The following CFDP1 variants were observed in gnomAD, a reference collection of about 807,000 sequenced individuals.
CFDP1 encodes chromatin remodeling protein CFDP1, also known as heterochromatin-stabilizing protein CFDP1.
Under a neutral mutation model 40.1 loss-of-function variants are expected in CFDP1, and 31 were observed. The observed-to-expected ratio is 0.77, with a 90% confidence interval of 0.58 to 1.04. The LOEUF is 1.04. Ranked by LOEUF, CFDP1 falls within the 50% of genes least tolerant of loss-of-function variation. The pLI, the probability that CFDP1 is intolerant of heterozygous loss-of-function variation, is 0.00. For synonymous variants in CFDP1, 167 were observed against 120.0 expected (o/e 1.39, Z -2.56); for missense variants, 423 against 343.4 (o/e 1.23, Z -1.83).
At chr16:75,344,086 G>A (rs1389668462) in intron 5 of CFDP1, among the ~76,000 whole-genome samples, 1 of 152,204 alleles carries the variant, frequency 6.6e-6, no homozygotes. Context: ...ACAACAAGCT[G>A]TAATAAACCA....
intron 5 of CFDP1, among the ~76,000 whole-genome samples, chr16:75,309,819 C>CAAAAAAAAAA (rs1156624164): frequency 6.5e-5 from 3 of 46,480 alleles, no homozygotes; most frequent in African/African-American, 9.8e-5. Context: ...GACTCCATCT[C>CAAAAAAAAAA]AAAAAAAAAA....
At chr16:75,405,135 A>G (rs2079087327) in intron 4 of CFDP1, among the ~76,000 whole-genome samples, 1 of 152,208 alleles carries the variant, frequency 6.6e-6, no homozygotes, top group African/African-American at 2.4e-5. Context: ...AACAGAGTAT[A>G]AATTCAGTTA....
chr16:75,383,817 TAAA>T (rs35216321), intron 5 of CFDP1, among the ~76,000 whole-genome samples: 54 of 127,366 alleles, frequency 4.2e-4, no homozygotes, highest in East Asian at 4.8e-4. Context: ...GACTCCGTCT[TAAA>T]AAAAAAAAAA....
intron 5 of CFDP1, among the ~76,000 whole-genome samples, chr16:75,359,371 C>G (rs115027162): frequency 0.015 from 2,348 of 152,150 alleles, 57 homozygotes; most frequent in African/African-American, 0.053. Flanking sequence ...GAAAAGAAAG[C>G]CAGATTCTTA....
At chr16:75,419,023 G>C in intron 1 of CFDP1, 1 of 381,376 alleles carries the variant, frequency 2.6e-6, no homozygotes, top group Non-Finnish European at 5.3e-6. Context: ...CGCACCTGTA[G>C]TTCCATCTAC....
intron 5 of CFDP1, among the ~76,000 whole-genome samples, chr16:75,374,470 T>C (rs960852115): frequency 1.3e-5 from 2 of 152,086 alleles, no homozygotes; most frequent in Non-Finnish European, 2.9e-5. Context: ...TACACATTCA[T>C]ATACATAGAT....
intron 4 of CFDP1, among the ~76,000 whole-genome samples, chr16:75,397,778 C>T (rs1209847653): frequency 6.6e-6 from 1 of 152,134 alleles, no homozygotes; most frequent in African/African-American, 2.4e-5. Flanking sequence ...TGCACTCCAG[C>T]CTGGGCGACA....
chr16:75,363,380 C>G (rs2078692479), intron 5 of CFDP1, among the ~76,000 whole-genome samples: 1 of 150,794 alleles, frequency 6.6e-6, no homozygotes, highest in African/African-American at 2.4e-5. Context: ...AGAACAAATG[C>G]AGGAAGCACT....
At chr16:75,425,259 C>G (rs1474412146) in intron 1 of CFDP1, among the ~76,000 whole-genome samples, 1 of 151,836 alleles carries the variant, frequency 6.6e-6, no homozygotes, top group Non-Finnish European at 1.5e-5. Context: ...TGGTGGCACA[C>G]GTCTGTAGTA....
At chr16:75,344,463 T>C (rs2078548178) in intron 5 of CFDP1, among the ~76,000 whole-genome samples, 1 of 152,164 alleles carries the variant, frequency 6.6e-6, no homozygotes. Context: ...AAAATAATGG[T>C]ACAATTCGTG....
intron 4 of CFDP1, 73 bp from the exon 5 acceptor site, chr16:75,395,282 A>T (rs937649041): frequency 2.9e-5 from 44 of 1,497,980 alleles, no homozygotes; most frequent in Non-Finnish European, 3.8e-5. Context: ...AAGGGAATAA[A>T]GACAACTAGA....
chr16:75,360,537 C>G (rs2078674030), intron 5 of CFDP1, among the ~76,000 whole-genome samples: 1 of 152,208 alleles, frequency 6.6e-6, no homozygotes, highest in Non-Finnish European at 1.5e-5. Flanking sequence ...TACCCCTCTT[C>G]TTATATCGCA....
At chr16:75,387,935 TCTCA>T (rs2078913616) in intron 5 of CFDP1, among the ~76,000 whole-genome samples, 1 of 152,346 alleles carries the variant, frequency 6.6e-6, no homozygotes, top group Admixed American at 6.5e-5. Context: ...GAAACAGCCC[TCTCA>T]CTTTCTTCAA....
At chr16:75,410,001 C>G (rs2079142752) in intron 4 of CFDP1, among the ~76,000 whole-genome samples, 1 of 121,470 alleles carries the variant, frequency 8.2e-6, no homozygotes, top group South Asian at 2.8e-4. Flanking sequence ...GCTGGAGGAT[C>G]ACTTGAGCCC....
intron 5 of CFDP1, among the ~76,000 whole-genome samples, chr16:75,349,980 G>A (rs969631648): frequency 1.3e-5 from 2 of 151,784 alleles, no homozygotes; most frequent in East Asian, 1.9e-4. Flanking sequence ...AAAAGCATTC[G>A]GTTTTTCATG....
intron 1 of CFDP1, among the ~76,000 whole-genome samples, chr16:75,427,346 G>T (rs1342278719): frequency 6.6e-6 from 1 of 151,962 alleles, no homozygotes; most frequent in Non-Finnish European, 1.5e-5. Context: ...CACCTCCTGG[G>T]TTCAAGCGAT....
chr16:75,420,983 T>C (rs909406448), intron 1 of CFDP1, among the ~76,000 whole-genome samples: 6 of 152,218 alleles, frequency 3.9e-5, no homozygotes, highest in African/African-American at 1.4e-4. Context: ...GACAAGTAGA[T>C]GCACATGACT....
Position 75,309,545 on chromosome 16 carries a change from G to A in CFDP1, c.651-4363C>T, listed in dbSNP as rs144629421. Among the ~76,000 whole-genome samples, 865 of 152,162 alleles carry A rather than the reference G, an allele frequency of 5.7e-3. 6 individuals carry two copies. Among genetic ancestry groups the A allele is most frequent in the African/African-American group, 0.019 (808 of 41,504 alleles). ...TTTCATCAAGAACCAATCCAACCGG[G>A]CGCTGTGGCTCATGCCTGTAATCCC... On this transcript the variant is annotated intron_variant, in intron 5 of 6. Transcript: ENST00000283882.
intron 5 of CFDP1, among the ~76,000 whole-genome samples, chr16:75,311,920 C>G (rs1405685094): frequency 6.6e-6 from 1 of 151,908 alleles, no homozygotes; most frequent in Non-Finnish European, 1.5e-5. Flanking sequence ...TTTTGTAGCT[C>G]ATTCATGAAC....
Sources: gnomAD v4.1 joint callset for allele counts (sites outside exome capture counted in the v4.1 genomes callset) on GRCh38, gnomAD v4.1.1 for gene constraint, MANE v1.5 for transcripts, NCBI Gene and HGNC (gene_info 2026-07-23, HGNC 2026-07-21) for gene names.